SV2B: variants seen among roughly 807,000 people sequenced by gnomAD.
SV2B encodes the protein solute carrier family 22 member B2.
Under a neutral mutation model 73.9 loss-of-function variants are expected in SV2B, and 41 were observed. That is an observed-to-expected ratio of 0.56 (90% CI 0.43 to 0.72). SV2B has a LOEUF of 0.72. SV2B is among the 30% of genes least tolerant of loss of function. The pLI, the probability that SV2B is intolerant of heterozygous loss-of-function variation, is 0.00. For missense variants in SV2B, 764 were observed against 857.8 expected, an observed-to-expected ratio of 0.89 and a Z score of 1.37; for synonymous variants, 314 against 314.2, an observed-to-expected ratio of 1.00 and a Z score of 0.01.
Position 91,231,214 on chromosome 15 carries a change from C to T in SV2B, c.451+4500C>T, listed in dbSNP as rs910772425. ...TTCTTACAAATGACATCACTGACAACGGATTGCCATGTTTAGGAGTGCGGA... is the reference window on the plus strand; with the variant it reads ...TTCTTACAAATGACATCACTGACAATGGATTGCCATGTTTAGGAGTGCGGA... On this transcript the variant is annotated intron_variant, in intron 2 of 12. Transcript: ENST00000394232. The surrounding 1 kb of genome is among the most constrained non-coding windows in gnomAD (Gnocchi z 4.5). Among the ~76,000 whole-genome samples, 4 of 152,104 alleles carry T rather than the reference C, an allele frequency of 2.6e-5. No individual in the cohort carries two copies. Among genetic ancestry groups the T allele is most frequent in the South Asian group, 2.1e-4 (1 of 4,824 alleles).
chr15:91,237,621 C>A (rs371669427), intron 2 of SV2B, among the ~76,000 whole-genome samples: 18 of 151,546 alleles, frequency 1.2e-4, no homozygotes, highest in Admixed American at 1.2e-3. Flanking sequence ...TAGAGAACCA[C>A]GTAGTTTATA....
In SV2B at chr15:91,284,078, A is replaced by G. The variant is rs755816346; in HGVS notation, c.1565A>G (p.Gln522Arg). The change falls in exon 11 of 13, where the codon CAG becomes CGG. Residue 522 changes from glutamine (Q) to arginine (R), a missense_variant. Coordinates refer to ENST00000394232, the MANE Select transcript of SV2B (RefSeq NM_001323032.3). This position sits in a 1 kb window ranked among gnomAD's most constrained non-coding sequence, Gnocchi z 4.5. ...CRFINSTFLEQKEGCHMDLEQ... is the reference protein window; with the variant it reads ...CRFINSTFLERKEGCHMDLEQ... Reference sequence around the variant, plus strand: ...TTTATCAACTCCACCTTCCTGGAGCAGAAGGAGGGCTGCCACATGGACTTG... The same window carrying G: ...TTTATCAACTCCACCTTCCTGGAGCGGAAGGAGGGCTGCCACATGGACTTG... 15 of 1,614,068 alleles carry G rather than the reference A, an allele frequency of 9.3e-6. No individual in the cohort carries two copies. The highest frequency in any genetic ancestry group is 8.5e-7 in the Non-Finnish European group (1 of 1,180,054).
rs924519950 is a variant in SV2B at position 91,224,465 on chromosome 15, C to G, written c.-391-1408C>G. ...GGGGCTACTCAGTGAGGCGGGGCCT[C>G]AGAGCCACTTGGAGAGAGCTGTGGG... On this transcript the variant is annotated intron_variant, in intron 1 of 12. Transcript: ENST00000394232. The surrounding 1 kb of genome is among the most constrained non-coding windows in gnomAD (Gnocchi z 4.9). Among the ~76,000 whole-genome samples the G allele has an allele frequency of 4.6e-5, 7 of 152,180 alleles. No individual in the cohort carries two copies. Among genetic ancestry groups the G allele is most frequent in the Admixed American group, 2.0e-4 (3 of 15,282 alleles).
chr15:91,297,729 C>T lies in SV2B; in HGVS notation c.*5177C>T, dbSNP rs914986961. Reference sequence around the variant, plus strand: ...AAACTAGCAGCCTGTGAAAAATGATCACCATTTTCCTAGAGCTCCGAGACA... The same window carrying T: ...AAACTAGCAGCCTGTGAAAAATGATTACCATTTTCCTAGAGCTCCGAGACA... On this transcript the variant is annotated 3_prime_UTR_variant, in exon 13 of 13. Coordinates refer to ENST00000394232, the MANE Select transcript of SV2B (RefSeq NM_001323032.3). This position sits in a 1 kb window ranked among gnomAD's most constrained non-coding sequence, Gnocchi z 5.1. 3.3e-5 allele frequency: 5 copies of T among 152,188 alleles called. No individual in the cohort carries two copies. Among genetic ancestry groups the T allele is most frequent in the Non-Finnish European group, 5.9e-5 (4 of 68,034 alleles). The allele number at this position is 152,188 out of a possible 1,614,324, so 9.4% of individuals were successfully genotyped here.
In SV2B at chr15:91,265,767, C is replaced by A. The variant is rs1269490883; in HGVS notation, c.1009-815C>A. Among the ~76,000 whole-genome samples the A allele has an allele frequency of 2.0e-5, 3 of 152,220 alleles. No individual in the cohort carries two copies. The highest frequency in any genetic ancestry group is 2.0e-4 in the Admixed American group (3 of 15,290). On this transcript the variant is annotated intron_variant, in intron 6 of 12. Transcript: ENST00000394232. This position sits in a 1 kb window ranked among gnomAD's most constrained non-coding sequence, Gnocchi z 4.2. ...AGTGGCCAGATGAGTCCAGGAGGCT[C>A]ACAGTGTGGTCATGTCCTTGACATT...
In SV2B at chr15:91,294,478, C is replaced by A. The variant is rs950801544; in HGVS notation, c.*1926C>A. ...AATATATATACCACTGTGTATTAATCTTTCTCTCAGTGTTTTATAGGAGTA... is the reference window on the plus strand; with the variant it reads ...AATATATATACCACTGTGTATTAATATTTCTCTCAGTGTTTTATAGGAGTA... On this transcript the variant is annotated 3_prime_UTR_variant, in exon 13 of 13. Coordinates refer to ENST00000394232, the MANE Select transcript of SV2B (RefSeq NM_001323032.3). This position sits in a 1 kb window ranked among gnomAD's most constrained non-coding sequence, Gnocchi z 4.1. The A allele has an allele frequency of 6.7e-6, 1 of 149,048 alleles. No individual in the cohort carries two copies. The highest frequency in any genetic ancestry group is 1.5e-5 in the Non-Finnish European group (1 of 67,898). 9.2% of individuals were successfully genotyped at this position (149,048 alleles called of 1,614,324 possible).
In SV2B at chr15:91,258,614, C is replaced by T. The variant is rs922570910; in HGVS notation, c.918+60C>T. 1.7e-5 allele frequency: 27 copies of T among 1,606,768 alleles called. No homozygotes were observed. The highest frequency in any genetic ancestry group is 1.8e-4 in the Middle Eastern group (1 of 5,614). On this transcript the variant is annotated intron_variant, in intron 5 of 12. Coordinates refer to ENST00000394232, the MANE Select transcript of SV2B (RefSeq NM_001323032.3). The surrounding 1 kb of genome is among the most constrained non-coding windows in gnomAD (Gnocchi z 4.7). ...CAAAACAGCCACAGGAACCCAGCCT[C>T]GCTTCCTTCTCTCAGCTCCTAGTCC...
rs1310075889 is a variant in SV2B, at chr15:91,227,238, T to C, written c.451+524T>C. Among the ~76,000 whole-genome samples, 1 of 152,200 alleles carries C rather than the reference T, an allele frequency of 6.6e-6. No individual in the cohort carries two copies. The highest frequency in any genetic ancestry group is 1.5e-5 in the Non-Finnish European group (1 of 68,034). ...CATACCCTGGGGATGAATGGTGGGCTTAAGCACACCCGTGGAGTCCCTGCA... is the reference window on the plus strand; with the variant it reads ...CATACCCTGGGGATGAATGGTGGGCCTAAGCACACCCGTGGAGTCCCTGCA... On this transcript the variant is annotated intron_variant, in intron 2 of 12. Transcript: ENST00000394232. This position sits in a 1 kb window ranked among gnomAD's most constrained non-coding sequence, Gnocchi z 4.5.
rs1375743701 is a variant in SV2B at position 91,105,167 on chromosome 15, T to C, written c.-392+4804T>C. On this transcript the variant is annotated intron_variant, in intron 1 of 12. Transcript: ENST00000394232. This position sits in a 1 kb window ranked among gnomAD's most constrained non-coding sequence, Gnocchi z 5.5. Reference sequence around the variant, plus strand: ...TAGACCCATCTCATGAAGCATTCATTCTAGTTGAGGGAGACAAATAATATG... The same window carrying C: ...TAGACCCATCTCATGAAGCATTCATCCTAGTTGAGGGAGACAAATAATATG... 6.6e-6 allele frequency among the ~76,000 whole-genome samples: 1 copy of C among 152,216 alleles called. No individual in the cohort carries two copies. Among genetic ancestry groups the C allele is most frequent in the Non-Finnish European group, 1.5e-5 (1 of 68,030 alleles).
rs1411146955 is a variant in SV2B at position 91,234,077 on chromosome 15, T to C, written c.451+7363T>C. ...GGGCTGGAAAAAACTCTACTATTTG[T>C]TTCATTGGTTGGCTGAAATGTAGAC... On this transcript the variant is annotated intron_variant, in intron 2 of 12. Coordinates refer to ENST00000394232, the MANE Select transcript of SV2B (RefSeq NM_001323032.3). This position sits in a 1 kb window ranked among gnomAD's most constrained non-coding sequence, Gnocchi z 5.6. Among the ~76,000 whole-genome samples, 2 of 152,206 alleles carry C rather than the reference T, an allele frequency of 1.3e-5. No homozygotes were observed. Among genetic ancestry groups the C allele is most frequent in the Non-Finnish European group, 2.9e-5 (2 of 68,022 alleles).
At chr15:91,192,305 G>A (rs1040568525) in intron 1 of SV2B, among the ~76,000 whole-genome samples, 3 of 152,066 alleles carry the variant, frequency 2.0e-5, no homozygotes, top group Non-Finnish European at 1.5e-5. Context: ...TTTCACTCTC[G>A]CATTTGATTA....
At chr15:91,113,416 G>C (rs2042091637) in intron 1 of SV2B, among the ~76,000 whole-genome samples, 1 of 152,186 alleles carries the variant, frequency 6.6e-6, no homozygotes, top group Non-Finnish European at 1.5e-5. Context: ...TAGTTTAGCT[G>C]ACTTTCACCC....
intron 1 of SV2B, among the ~76,000 whole-genome samples, chr15:91,171,512 C>G (rs772131697): frequency 6.6e-6 from 1 of 152,142 alleles, no homozygotes; most frequent in Non-Finnish European, 1.5e-5. Flanking sequence ...CTGCAGTGGA[C>G]GTCACTTTAT....
chr15:91,226,783 C>A lies in SV2B; in HGVS notation c.451+69C>A, dbSNP rs749514356. On this transcript the variant is annotated intron_variant, in intron 2 of 12. Coordinates refer to ENST00000394232, the MANE Select transcript of SV2B (RefSeq NM_001323032.3). ...GAAGTAAAATTTATCTAGTATCTGT[C>A]ACTATTAGGCACTTTAAATATATCA... 75 of 1,505,518 alleles carry A rather than the reference C, an allele frequency of 5.0e-5. No homozygotes were observed. The Middle Eastern group carries it at 5.5e-3, about 111-fold the overall frequency. 93.3% of individuals were successfully genotyped at this position (1,505,518 alleles called of 1,614,324 possible).
At chr15:91,146,056 C>A (rs2043137520) in intron 1 of SV2B, among the ~76,000 whole-genome samples, 1 of 152,158 alleles carries the variant, frequency 6.6e-6, no homozygotes, top group South Asian at 2.1e-4. Context: ...AATCTTTGCC[C>A]ATTCCTTTGT....
chr15:91,114,870 C>T (rs1255688712), intron 1 of SV2B, among the ~76,000 whole-genome samples: 2 of 152,208 alleles, frequency 1.3e-5, no homozygotes, highest in African/African-American at 4.8e-5. Context: ...AGCCTGCTCC[C>T]TTGCTAATCA....
intron 1 of SV2B, among the ~76,000 whole-genome samples, chr15:91,131,673 A>G (rs2042655040): frequency 6.6e-6 from 1 of 151,922 alleles, no homozygotes; most frequent in Non-Finnish European, 1.5e-5. Context: ...CAAAAAAAAC[A>G]AAAAAGTGGC....
At chr15:91,116,452 G>C (rs988874084) in intron 1 of SV2B, among the ~76,000 whole-genome samples, 4 of 152,212 alleles carry the variant, frequency 2.6e-5, no homozygotes, top group Admixed American at 6.5e-5. Flanking sequence ...TATTTGCTTA[G>C]AGAGAATAAA....
rs905027365 is a variant in SV2B at position 91,220,367 on chromosome 15, A to G, written c.-391-5506A>G. Among the ~76,000 whole-genome samples the G allele has an allele frequency of 3.3e-5, 5 of 152,224 alleles. No homozygotes were observed. The highest frequency in any genetic ancestry group is 7.3e-5 in the Non-Finnish European group (5 of 68,034). On this transcript the variant is annotated intron_variant, in intron 1 of 12. Coordinates refer to ENST00000394232, the MANE Select transcript of SV2B (RefSeq NM_001323032.3). The surrounding 1 kb of genome is among the most constrained non-coding windows in gnomAD (Gnocchi z 4.1). ...TGTTCAGGTCTTCTCATAGCCTTTAATATAGCAATGTGCATTGTGCATTTC... is the reference window on the plus strand; with the variant it reads ...TGTTCAGGTCTTCTCATAGCCTTTAGTATAGCAATGTGCATTGTGCATTTC...
Sources: allele counts gnomAD v4.1 joint callset (sites outside exome capture counted in the v4.1 genomes callset), GRCh38; gene constraint gnomAD v4.1.1; non-coding constraint Gnocchi (gnomAD v3.1); transcripts MANE v1.5; gene names NCBI Gene and HGNC (gene_info 2026-07-23, HGNC 2026-07-21).